Variants in EYS observed in about 807,000 individuals in gnomAD.
EYS encodes EGF-like photoreceptor maintenance factor.
Under a neutral mutation model 282.1 loss-of-function variants are expected in EYS, and 250 were observed. The observed-to-expected ratio is 0.89, with a 90% confidence interval of 0.80 to 0.98. The LOEUF (loss-of-function observed/expected upper bound fraction) is 0.98. Among genes scored for constraint, EYS ranks in the 50% least tolerant of loss-of-function variants. EYS has a pLI of 0.00. For missense variants in EYS, 4,016 were observed against 3,709.0 expected (o/e 1.08, Z -2.15); for synonymous variants, 1,355 against 1,282.9 (o/e 1.06, Z -1.20).
At chr6:64,740,323 A>G (rs1268469844) in intron 22 of EYS, among the ~76,000 whole-genome samples, 2 of 152,156 alleles carry the variant, frequency 1.3e-5, no homozygotes, top group African/African-American at 2.4e-5. Context: ...TTTGTTTTAT[A>G]CTTCAGTATT....
At chr6:65,490,742 A>T (rs1387232286) in intron 4 of EYS, 35 bp from the exon 5 acceptor site, 2 of 1,080,370 alleles carry the variant, frequency 1.9e-6, no homozygotes, top group Admixed American at 1.7e-5. Flanking sequence ...TTTACATTGG[A>T]TATCAATATT....
intron 26 of EYS, among the ~76,000 whole-genome samples, chr6:64,545,060 A>G (rs1176010901): frequency 6.6e-6 from 1 of 152,158 alleles, no homozygotes; most frequent in East Asian, 1.9e-4. Flanking sequence ...TAGCAGAGAC[A>G]CAACAAAGAA....
chr6:64,189,552 C>T (rs1055196006), intron 31 of EYS, among the ~76,000 whole-genome samples: 1 of 152,160 alleles, frequency 6.6e-6, no homozygotes, highest in Non-Finnish European at 1.5e-5. Context: ...CAAACACCAA[C>T]CTAGGTGTTG....
chr6:64,190,166 A>G (rs1765059618), intron 31 of EYS, among the ~76,000 whole-genome samples: 1 of 152,214 alleles, frequency 6.6e-6, no homozygotes, highest in South Asian at 2.1e-4. Context: ...CTGAGTGAGC[A>G]CGCTAGAGAA....
Position 65,179,431 on chromosome 6 carries a change from C to T in EYS, c.2023+116432G>A, listed in dbSNP as rs1316338642. Among the ~76,000 whole-genome samples, 4 of 152,216 alleles carry T rather than the reference C, an allele frequency of 2.6e-5. No individual in the cohort carries two copies. The East Asian group carries it at 7.8e-4, about 30-fold the overall frequency. ...CTACCATCAGAGAATACTATAAACA[C>T]CTCTGCGCAAATAAACTAGAAAATC... On this transcript the variant is annotated intron_variant, in intron 12 of 42. Transcript: ENST00000503581.
intron 26 of EYS, among the ~76,000 whole-genome samples, chr6:64,589,855 G>C (rs1766344613): frequency 6.6e-6 from 1 of 152,000 alleles, no homozygotes; most frequent in African/African-American, 2.4e-5. Context: ...GATACCGTTA[G>C]AAAGAGTATG....
At chr6:64,155,374 G>A (rs1774882328) in intron 31 of EYS, among the ~76,000 whole-genome samples, 1 of 150,200 alleles carries the variant, frequency 6.7e-6, no homozygotes, top group African/African-American at 2.5e-5. Flanking sequence ...AAATATGCCT[G>A]GTGTGACTGA....
intron 26 of EYS, among the ~76,000 whole-genome samples, chr6:64,523,206 C>G (rs1490639266): frequency 6.6e-6 from 1 of 151,672 alleles, no homozygotes; most frequent in Non-Finnish European, 1.5e-5. Context: ...CCAATGTGCT[C>G]AGAGAATTCA....
chr6:63,937,244 A>C (rs189284483), intron 35 of EYS, among the ~76,000 whole-genome samples: 1 of 150,762 alleles, frequency 6.6e-6, no homozygotes, highest in Admixed American at 6.6e-5. Flanking sequence ...GAGTGAGGCA[A>C]GTGTGGCTGT....
intron 24 of EYS, among the ~76,000 whole-genome samples, chr6:64,611,355 T>C (rs1767111531): frequency 1.3e-5 from 2 of 152,232 alleles, no homozygotes; most frequent in Non-Finnish European, 2.9e-5. Context: ...TTATCTTTTG[T>C]CCATTGAGAA....
Position 65,242,155 on chromosome 6 carries a change from C to G in EYS, c.2023+53708G>C, listed in dbSNP as rs530244252. 2.6e-5 allele frequency among the ~76,000 whole-genome samples: 4 copies of G among 152,108 alleles called. No individual in the cohort carries two copies. In the South Asian group the frequency reaches 8.3e-4, roughly 32 times the overall value. ...GCTATATTGAGATATAATTCACGAA[C>G]TATACACTTTACCATTTAAAGTTTG... On this transcript the variant is annotated intron_variant, in intron 12 of 42. Coordinates refer to ENST00000503581, the MANE Select transcript of EYS (RefSeq NM_001142800.2).
intron 1 of EYS, among the ~76,000 whole-genome samples, chr6:65,689,398 T>C (rs922045953): frequency 6.7e-6 from 1 of 149,600 alleles, no homozygotes; most frequent in Non-Finnish European, 1.5e-5. Context: ...GGGGGAGGGA[T>C]AGCATTTGGA....
At chr6:64,383,196 G>C (rs1305535671) in intron 29 of EYS, among the ~76,000 whole-genome samples, 1 of 152,108 alleles carries the variant, frequency 6.6e-6, no homozygotes, top group African/African-American at 2.4e-5. Context: ...AGCTACTAGG[G>C]GGGCTGAGGT....
At chr6:65,306,292 GA>G (rs1462926138) in intron 11 of EYS, among the ~76,000 whole-genome samples, 1 of 152,168 alleles carries the variant, frequency 6.6e-6, no homozygotes, top group Non-Finnish European at 1.5e-5. Context: ...TATGGAAAAG[GA>G]AGAAAGCCAC....
intron 12 of EYS, among the ~76,000 whole-genome samples, chr6:65,152,042 G>T (rs57499395): frequency 0.26 from 39,022 of 151,716 alleles, 5,349 homozygotes; most frequent in African/African-American, 0.35. Flanking sequence ...TAAGATACTT[G>T]TATTACTAAT....
chr6:65,341,504 A>C (rs1007513575), intron 10 of EYS, among the ~76,000 whole-genome samples: 5 of 151,246 alleles, frequency 3.3e-5, no homozygotes, highest in Non-Finnish European at 7.4e-5. Context: ...TAATAGAACA[A>C]AAAGGGAAAA....
chr6:63,817,992 T>A (rs1771225868), intron 36 of EYS, among the ~76,000 whole-genome samples: 1 of 152,238 alleles, frequency 6.6e-6, no homozygotes, highest in Non-Finnish European at 1.5e-5. Context: ...TGTATGCATG[T>A]CATGGACCTC....
chr6:64,099,675 G>A (rs1772759815), intron 31 of EYS, among the ~76,000 whole-genome samples: 1 of 152,110 alleles, frequency 6.6e-6, no homozygotes, highest in African/African-American at 2.4e-5. Context: ...AAATCTCATG[G>A]AAATTAAGGA....
chr6:64,113,365 A>G (rs184483029), intron 31 of EYS, among the ~76,000 whole-genome samples: 154 of 152,298 alleles, frequency 1.0e-3, no homozygotes, highest in Admixed American at 2.0e-3. Flanking sequence ...GTTGAATATT[A>G]TGTAATCTTT....
Sources: gnomAD v4.1 joint callset for allele counts (sites outside exome capture counted in the v4.1 genomes callset) on GRCh38, gnomAD v4.1.1 for gene constraint, MANE v1.5 for transcripts, NCBI Gene and HGNC (gene_info 2026-07-23, HGNC 2026-07-21) for gene names.